Variants in ARHGAP15 observed in about 807,000 individuals in gnomAD.
ARHGAP15 encodes rho GTPase-activating protein 15.
ARHGAP15 carries 51 observed loss-of-function variants against 63.7 expected under a neutral mutation model. The ratio of observed to expected loss-of-function variants is 0.80; its 90% CI spans 0.64 to 1.01. ARHGAP15 has a LOEUF of 1.01. ARHGAP15 is among the 50% of genes least tolerant of loss of function. The pLI, the probability that ARHGAP15 is intolerant of heterozygous loss-of-function variation, is 0.00. For missense variants in ARHGAP15, 560 were observed against 564.6 expected (o/e 0.99, Z 0.08); for synonymous variants, 191 against 193.8 (o/e 0.99, Z 0.12).
Position 143,227,810 on chromosome 2 carries a change from C to T in ARHGAP15, c.297-771C>T, listed in dbSNP as rs189189182. On this transcript the variant is annotated intron_variant, in intron 4 of 13. Transcript: ENST00000295095. Reference sequence around the variant, plus strand: ...CAATTAATTTCTATGCATACAGACTCGGCAATTTGTGAGACTATTTCTCTA... The same window carrying T: ...CAATTAATTTCTATGCATACAGACTTGGCAATTTGTGAGACTATTTCTCTA... 3.5e-4 allele frequency among the ~76,000 whole-genome samples: 53 copies of T among 152,186 alleles called. 1 individual carries two copies. The East Asian group carries it at 8.1e-3, about 23-fold the overall frequency.
At chr2:143,304,951 T>C (rs1013042174) in intron 6 of ARHGAP15, among the ~76,000 whole-genome samples, 3 of 152,030 alleles carry the variant, frequency 2.0e-5, no homozygotes, top group Non-Finnish European at 4.4e-5. Context: ...AGAAATACCA[T>C]TGGACCTAGC....
At chr2:143,753,640 ATT>A (rs1414305595) in intron 13 of ARHGAP15, among the ~76,000 whole-genome samples, 3 of 152,224 alleles carry the variant, frequency 2.0e-5, no homozygotes, top group African/African-American at 7.2e-5. Flanking sequence ...TATTACATAC[ATT>A]TTGAAAGGGT....
intron 6 of ARHGAP15, among the ~76,000 whole-genome samples, chr2:143,331,686 A>AAG (rs1684555412): frequency 6.6e-6 from 1 of 152,130 alleles, no homozygotes; most frequent in Non-Finnish European, 1.5e-5. Flanking sequence ...AAGTGCTCTT[A>AAG]AGAGGTACAT....
intron 9 of ARHGAP15, among the ~76,000 whole-genome samples, chr2:143,491,147 G>A (rs1022730219): frequency 6.6e-6 from 1 of 152,096 alleles, no homozygotes; most frequent in Admixed American, 6.5e-5. Flanking sequence ...TTAAATATAT[G>A]AGTTTATTAA....
chr2:143,298,534 G>A (rs1036785465), intron 6 of ARHGAP15, among the ~76,000 whole-genome samples: 14 of 151,976 alleles, frequency 9.2e-5, no homozygotes, highest in Admixed American at 6.6e-4. Context: ...TTTCTAGGAC[G>A]TGTTGGTACT....
chr2:143,163,543 A>C (rs578032885), intron 2 of ARHGAP15, among the ~76,000 whole-genome samples: 2 of 152,080 alleles, frequency 1.3e-5, no homozygotes, highest in South Asian at 4.1e-4. Context: ...AAATATCAAG[A>C]TTGCCTCAAG....
intron 9 of ARHGAP15, among the ~76,000 whole-genome samples, chr2:143,499,885 A>T (rs1692977006): frequency 6.6e-6 from 1 of 152,120 alleles, no homozygotes; most frequent in South Asian, 2.1e-4. Flanking sequence ...GATGTTCTGA[A>T]TACTTTCTTG....
chr2:143,664,706 A>G (rs1682056257), intron 12 of ARHGAP15, among the ~76,000 whole-genome samples: 1 of 152,238 alleles, frequency 6.6e-6, no homozygotes, highest in Admixed American at 6.5e-5. Context: ...GAAGAATCAA[A>G]TAGACACAAT....
intron 12 of ARHGAP15, among the ~76,000 whole-genome samples, chr2:143,698,351 TAAC>T (rs1226112440): frequency 2.6e-5 from 4 of 152,170 alleles, no homozygotes; most frequent in African/African-American, 9.7e-5. Flanking sequence ...CGTGCTTTAG[TAAC>T]AACATTTCAT....
At chr2:143,683,383 C>T (rs1683193087) in intron 12 of ARHGAP15, among the ~76,000 whole-genome samples, 1 of 151,944 alleles carries the variant, frequency 6.6e-6, no homozygotes, top group Non-Finnish European at 1.5e-5. Flanking sequence ...AATATTTTAT[C>T]CTCAAATGTT....
At chr2:143,224,281 A>C (rs1693116410) in intron 4 of ARHGAP15, among the ~76,000 whole-genome samples, 1 of 152,236 alleles carries the variant, frequency 6.6e-6, no homozygotes, top group African/African-American at 2.4e-5. Context: ...TAGGAAACTA[A>C]GGAACAGAGA....
chr2:143,499,863 A>G (rs143953829), intron 9 of ARHGAP15, among the ~76,000 whole-genome samples: 3 of 152,202 alleles, frequency 2.0e-5, no homozygotes, highest in African/African-American at 7.2e-5. Context: ...TATTATTTTC[A>G]TTATTTAAAA....
intron 9 of ARHGAP15, among the ~76,000 whole-genome samples, chr2:143,489,612 T>C (rs1423127189): frequency 6.6e-6 from 1 of 152,226 alleles, no homozygotes; most frequent in Non-Finnish European, 1.5e-5. Flanking sequence ...TCACACTTAG[T>C]ACTTTAATCC....
At chr2:143,391,534 A>G (rs1687538266) in intron 6 of ARHGAP15, among the ~76,000 whole-genome samples, 1 of 152,224 alleles carries the variant, frequency 6.6e-6, no homozygotes, top group Admixed American at 6.5e-5. Flanking sequence ...GAGGCCAGTT[A>G]TTAAGCAAGC....
Position 143,346,204 on chromosome 2 carries a change from A to ACACACACACTCTCTCT in ARHGAP15, c.475-89371_475-89356dup, listed in dbSNP as rs1460780454. On this transcript the variant is annotated intron_variant, in intron 6 of 13. Coordinates refer to ENST00000295095, the MANE Select transcript of ARHGAP15 (RefSeq NM_018460.4). The stretch of plus-strand genomic sequence containing the variant: ...CTCTCACACACACACTCTCTCTCTC[A>ACACACACACTCTCTCT]CACACACACTCTCTCTCACACACAC... 5.6e-3 allele frequency among the ~76,000 whole-genome samples: 814 copies of ACACACACACTCTCTCT among 144,626 alleles called. 6 individuals carry two copies. Among genetic ancestry groups the ACACACACACTCTCTCT allele is most frequent in the South Asian group, 0.019 (89 of 4,602 alleles). The allele number at this position is 144,626 out of a possible 152,430, so 94.9% of individuals were successfully genotyped here. A position where few individuals can be genotyped will look rare whatever the true frequency, so the allele number is the denominator to read the frequency against.
chr2:143,333,542 A>AG (rs1684640219), intron 6 of ARHGAP15, among the ~76,000 whole-genome samples: 1 of 152,204 alleles, frequency 6.6e-6, no homozygotes, highest in African/African-American at 2.4e-5. Context: ...ACAAAGTGAA[A>AG]GACAAAGTAG....
At chr2:143,534,350 T>C (rs2105024056) in intron 10 of ARHGAP15, among the ~76,000 whole-genome samples, 1 of 152,280 alleles carries the variant, frequency 6.6e-6, no homozygotes, top group Middle Eastern at 3.4e-3. Context: ...CTTTATAAAT[T>C]ACCGAGTCAT....
intron 12 of ARHGAP15, among the ~76,000 whole-genome samples, chr2:143,661,767 G>A (rs1044948214): frequency 4.6e-5 from 7 of 152,228 alleles, no homozygotes; most frequent in African/African-American, 7.2e-5. Flanking sequence ...CTTGGGAAGC[G>A]CAAGGGGTCA....
At chr2:143,740,231 T>TA (rs1488217638) in intron 13 of ARHGAP15, among the ~76,000 whole-genome samples, 4 of 152,256 alleles carry the variant, frequency 2.6e-5, no homozygotes, top group African/African-American at 9.6e-5. Flanking sequence ...ATATCTCTTA[T>TA]TAGCTTAGGC....
Sources: gnomAD v4.1 joint callset for allele counts (sites outside exome capture counted in the v4.1 genomes callset) on GRCh38, gnomAD v4.1.1 for gene constraint, MANE v1.5 for transcripts, NCBI Gene and HGNC (gene_info 2026-07-23, HGNC 2026-07-21) for gene names.